Variants in CHRM1 observed in about 807,000 individuals in gnomAD.
CHRM1 encodes the protein muscarinic acetylcholine receptor M1.
In CHRM1, 5 loss-of-function variants were observed where a neutral mutation model predicts 31.6. The observed-to-expected ratio is 0.16, with a 90% confidence interval of 0.08 to 0.33. The LOEUF (loss-of-function observed/expected upper bound fraction) is 0.33. Among genes scored for constraint, CHRM1 ranks in the 10% least tolerant of loss-of-function variants. The pLI is 1.00. For missense variants in CHRM1, 338 were observed against 610.3 expected (o/e 0.55, Z 4.70); for synonymous variants, 227 against 249.7 (o/e 0.91, Z 0.86).
chr11:62,914,498 C>T (rs2085890250), intron 1 of CHRM1, among the ~76,000 whole-genome samples: 2 of 152,216 alleles, frequency 1.3e-5, no homozygotes, highest in South Asian at 4.1e-4. Flanking sequence ...AAATCAGCCA[C>T]TGGGCTGGAG....
rs2085863172 is a variant in CHRM1 at position 62,910,327 on chromosome 11, G to T, written c.774C>A (p.Arg258=). The T allele has an allele frequency of 6.2e-7, 1 of 1,610,446 alleles. No individual in the cohort carries two copies. Among genetic ancestry groups the T allele is most frequent in the South Asian group, 1.1e-5 (1 of 91,082 alleles). The change falls in exon 2 of 2, where the codon CGC becomes CGA. Residue 258 remains arginine, a synonymous_variant. Transcript: ENST00000306960. This position sits in a 1 kb window ranked among gnomAD's most constrained non-coding sequence, Gnocchi z 8.7. The part of the protein sequence containing the change: ...AEGSPETPPG[R]CCRCCRAPRL... ...TGGGGGCCCGGCAGCAGCGACAGCA[G>T]CGGCCTGGAGGAGTCTCTGGTGAGC...
intron 1 of CHRM1, among the ~76,000 whole-genome samples, chr11:62,912,385 A>C (rs77224237): frequency 8.0e-5 from 12 of 149,240 alleles, no homozygotes; most frequent in Admixed American, 2.7e-4. Context: ...AAAAAAAAAA[A>C]CCAAAAGGAA....
At chr11:62,914,105 C>A (rs964555705) in intron 1 of CHRM1, among the ~76,000 whole-genome samples, 1 of 152,082 alleles carries the variant, frequency 6.6e-6, no homozygotes, top group Admixed American at 6.6e-5. Flanking sequence ...CCACCACGCC[C>A]GGCTAAATTT....
At chr11:62,919,398 A>T (rs1565267355) in intron 1 of CHRM1, among the ~76,000 whole-genome samples, 1 of 152,174 alleles carries the variant, frequency 6.6e-6, no homozygotes, top group Non-Finnish European at 1.5e-5. Flanking sequence ...CAGCCCTAGA[A>T]TCACTGCCAA....
In CHRM1 at chr11:62,911,198, G is replaced by T; in HGVS notation, c.-78-20C>A. ...CATCACCTGAAAAGAGAGGACATGG[G>T]CTTTGGTTGGGCCACTGGACATTTC... On this transcript the variant is annotated intron_variant, in intron 1 of 1. Coordinates refer to ENST00000306960, the MANE Select transcript of CHRM1 (RefSeq NM_000738.3). 8.4e-7 allele frequency: 1 copy of T among 1,194,272 alleles called. No homozygotes were observed. Among genetic ancestry groups the T allele is most frequent in the Non-Finnish European group, 1.2e-6 (1 of 850,904 alleles). The allele number at this position is 1,194,272 out of a possible 1,614,324, so 74.0% of individuals were successfully genotyped here.
chr11:62,919,087 C>T (rs59149810), intron 1 of CHRM1, among the ~76,000 whole-genome samples: 4,856 of 151,976 alleles, frequency 0.032, 273 homozygotes, highest in African/African-American at 0.11. Flanking sequence ...ATGAGGAGGG[C>T]GCTCCTTCTG....
In CHRM1 at chr11:62,910,209, A is replaced by G; in HGVS notation, c.892T>C (p.Ser298Pro). 1 of 1,606,288 alleles carries G rather than the reference A, an allele frequency of 6.2e-7. No homozygotes were observed. Among genetic ancestry groups the G allele is most frequent in the Non-Finnish European group, 8.5e-7 (1 of 1,176,732 alleles). Residue 298 changes from serine to proline, a missense_variant, in exon 2 of 2, where the codon TCC becomes CCC. Physicochemically the swap from Ser to Pro is moderately conservative, Grantham distance 74 (BLOSUM62 -1). Around this residue, in one of 4 missense-constraint regions of CHRM1, gnomAD observed 183 missense variants for 223.4 expected, o/e 0.82. Coordinates refer to ENST00000306960, the MANE Select transcript of CHRM1 (RefSeq NM_000738.3). This position sits in a 1 kb window ranked among gnomAD's most constrained non-coding sequence, Gnocchi z 8.7. ...ATTGGCATCTTGATCACCACTTCGG[A>G]GCCAGGCTCCTCTCCCTCTGAGGAT... ...LTSSEGEEPG[S>P]EVVIKMPMVD... is the part of the protein sequence containing the mutation.
chr11:62,910,338 G>T lies in CHRM1; in HGVS notation c.763C>A (p.Pro255Thr). ...CAGCAGCGACAGCAGCGGCCTGGAGGAGTCTCTGGTGAGCCCTCAGCCCCT... is the reference window on the plus strand; with the variant it reads ...CAGCAGCGACAGCAGCGGCCTGGAGTAGTCTCTGGTGAGCCCTCAGCCCCT... ...QPGAEGSPET[P>T]PGRCCRCCRA... Residue 255 changes from proline to threonine, a missense_variant, in exon 2 of 2, where the codon CCT becomes ACT. This residue lies in a region of CHRM1 where 183 missense variants were observed against 223.4 expected (regional missense o/e 0.82). Transcript: ENST00000306960. The surrounding 1 kb of genome is among the most constrained non-coding windows in gnomAD (Gnocchi z 8.7). 6.2e-7 allele frequency: 1 copy of T among 1,610,146 alleles called. No homozygotes were observed. Among genetic ancestry groups the T allele is most frequent in the Non-Finnish European group, 8.5e-7 (1 of 1,179,998 alleles).
intron 1 of CHRM1, among the ~76,000 whole-genome samples, chr11:62,913,273 A>G (rs2085881774): frequency 6.6e-6 from 1 of 152,222 alleles, no homozygotes; most frequent in African/African-American, 2.4e-5. Context: ...GATTAAATGA[A>G]TCAATGCATG....
chr11:62,909,602 T>C lies in CHRM1; in HGVS notation c.*116A>G. ...GGCTGCCCAGGAAGGTGACCCAGGG[T>C]CCTGGGAAGCCAGGTGAGGCCTGAG... On this transcript the variant is annotated 3_prime_UTR_variant, in exon 2 of 2. Coordinates refer to ENST00000306960, the MANE Select transcript of CHRM1 (RefSeq NM_000738.3). 2 of 1,302,694 alleles carry C rather than the reference T, an allele frequency of 1.5e-6. No homozygotes were observed. Among genetic ancestry groups the C allele is most frequent in the Non-Finnish European group, 2.1e-6 (2 of 949,460 alleles). 80.7% of individuals were successfully genotyped at this position (1,302,694 alleles called of 1,614,324 possible). A position where few individuals can be genotyped will look rare whatever the true frequency, so the allele number is the denominator to read the frequency against.
intron 1 of CHRM1, 74 bp from the exon 2 acceptor site, chr11:62,911,252 A>T (rs2085869694): frequency 2.7e-6 from 2 of 730,744 alleles, no homozygotes; most frequent in Non-Finnish European, 4.5e-6. Context: ...GATGCTAGGG[A>T]TGTAATTCTT....
Position 62,911,190 on chromosome 11 carries a change from G to A in CHRM1, c.-78-12C>T. On this transcript the variant is annotated splice_polypyrimidine_tract_variant and intron_variant, in intron 1 of 1. Transcript: ENST00000306960. ...GGGAAAGTCATCACCTGAAAAGAGA[G>A]GACATGGGCTTTGGTTGGGCCACTG... 7.8e-7 allele frequency: 1 copy of A among 1,277,662 alleles called. No individual in the cohort carries two copies. Among genetic ancestry groups the A allele is most frequent in the South Asian group, 1.4e-5 (1 of 69,260 alleles). 79.1% of individuals were successfully genotyped at this position (1,277,662 alleles called of 1,614,324 possible).
At chr11:62,914,635 G>A (rs190440137) in intron 1 of CHRM1, among the ~76,000 whole-genome samples, 1 of 152,324 alleles carries the variant, frequency 6.6e-6, no homozygotes, top group East Asian at 1.9e-4. Context: ...CTCACAGGGA[G>A]CAGCTGAGGC....
intron 1 of CHRM1, among the ~76,000 whole-genome samples, chr11:62,913,207 T>C (rs1187719159): frequency 1.3e-5 from 2 of 152,180 alleles, no homozygotes. Flanking sequence ...GTTTCCTTAA[T>C]TGAAAAATGG....
rs780171312 is a variant in CHRM1, at chr11:62,909,766, G to A, written c.1335C>T (p.Ile445=). 6.2e-7 allele frequency: 1 copy of A among 1,614,174 alleles called. No individual in the cohort carries two copies. Among genetic ancestry groups the A allele is most frequent in the East Asian group, 2.2e-5 (1 of 44,878 alleles). The change falls in exon 2 of 2, where the codon ATC becomes ATT. Residue 445 remains isoleucine, a synonymous_variant. Transcript: ENST00000306960. ...CRWDKRRWRK[I]PKRPGSVHRT... is the part of the protein sequence containing the mutation. ...GGTGCACGGAGCCAGGGCGCTTGGG[G>A]ATCTTGCGCCAGCGTCTCTTGTCCC... is the stretch of plus-strand genomic sequence containing the variant.
chr11:62,910,662 C>T lies in CHRM1; in HGVS notation c.439G>A (p.Gly147Ser), dbSNP rs201469790. ...RTPRRAALMI[G>S]LAWLVSFVLW... Reference sequence around the variant, plus strand: ...ACAAAGGAAACCAGCCAGGCCAGGCCGATCATCAGAGCTGCCCGGCGGGGT... The same window carrying T: ...ACAAAGGAAACCAGCCAGGCCAGGCTGATCATCAGAGCTGCCCGGCGGGGT... The change falls in exon 2 of 2, where the codon GGC (glycine) becomes AGC (serine). Residue 147 changes from glycine (G) to serine (S), a missense_variant. By Grantham distance (56) the Gly-to-Ser change is moderately conservative (BLOSUM62 0). Transcript: ENST00000306960. The surrounding 1 kb of genome is among the most constrained non-coding windows in gnomAD (Gnocchi z 8.7). 84 of 1,614,060 alleles carry T rather than the reference C, an allele frequency of 5.2e-5. No homozygotes were observed. Among genetic ancestry groups the T allele is most frequent in the East Asian group, 1.6e-4 (7 of 44,860 alleles).
intron 1 of CHRM1, among the ~76,000 whole-genome samples, chr11:62,913,179 T>C (rs936619485): frequency 6.6e-6 from 1 of 152,216 alleles, no homozygotes; most frequent in Non-Finnish European, 1.5e-5. Context: ...GCTAGTGATA[T>C]AACTTCTATA....
chr11:62,916,401 A>G (rs1209099016), intron 1 of CHRM1, among the ~76,000 whole-genome samples: 1 of 152,212 alleles, frequency 6.6e-6, no homozygotes, highest in Non-Finnish European at 1.5e-5. Flanking sequence ...TACGGTGCCC[A>G]TCACAAGGCT....
intron 1 of CHRM1, among the ~76,000 whole-genome samples, chr11:62,913,575 G>T (rs2085884127): frequency 1.3e-5 from 2 of 151,898 alleles, no homozygotes; most frequent in Admixed American, 1.3e-4. Flanking sequence ...GGAGGCTGAG[G>T]CAGGAGAATT....
Sources: gnomAD v4.1 joint callset for allele counts (sites outside exome capture counted in the v4.1 genomes callset) on GRCh38, gnomAD v4.1.1 for gene constraint, gnomAD v4.1.1 regional missense constraint, Gnocchi (gnomAD v3.1) non-coding constraint, MANE v1.5 for transcripts, NCBI Gene and HGNC (gene_info 2026-07-23, HGNC 2026-07-21) for gene names.